Variants in ABCA1 observed in about 807,000 individuals in gnomAD.
The protein encoded by ABCA1 is ATP binding cassette subfamily A member 1, also known as phospholipid-transporting ATPase ABCA1.
Under a neutral mutation model 262.5 loss-of-function variants are expected in ABCA1, and 133 were observed. The observed-to-expected ratio is 0.51, with a 90% CI of 0.44 to 0.59. The LOEUF (loss-of-function observed/expected upper bound fraction) is 0.59. ABCA1 is among the 20% of genes least tolerant of loss of function. The probability of loss-of-function intolerance (pLI) is 0.00; values close to 1 mark genes in which losing one functional copy is unlikely to be tolerated. For synonymous variants in ABCA1, 1,022 were observed against 1,043.5 expected (o/e 0.98, Z 0.40); for missense variants, 2,452 against 2,777.5 (o/e 0.88, Z 2.63).
chr9:104,781,106 A>C lies in ABCA1; in HGVS notation c.*3209T>G, dbSNP rs923779623. On this transcript the variant is annotated 3_prime_UTR_variant, in exon 50 of 50. Transcript: ENST00000374736. ...TTCATATAAAGTTATTGACATACAA[A>C]ATTTTTTTTCTTTTTTCCTTTTAAT... The C allele has an allele frequency of 6.6e-6, 1 of 152,580 alleles. No individual in the cohort carries two copies. The highest frequency in any genetic ancestry group is 1.5e-5 in the Non-Finnish European group (1 of 68,024). The allele number at this position is 152,580 out of a possible 1,614,324, so 9.5% of individuals were successfully genotyped here. A position where few individuals can be genotyped will look rare whatever the true frequency, so the allele number is the denominator to read the frequency against.
intron 5 of ABCA1, among the ~76,000 whole-genome samples, chr9:104,869,687 G>A (rs1470009042): frequency 1.3e-5 from 2 of 152,136 alleles, no homozygotes; most frequent in Non-Finnish European, 2.9e-5. Flanking sequence ...TAGGCCAGGG[G>A]TGTGTGGTAC....
Position 104,816,158 on chromosome 9 carries a change from C to A in ABCA1, c.3723G>T (p.Glu1241Asp). The A allele has an allele frequency of 6.2e-7, 1 of 1,614,176 alleles. No individual in the cohort carries two copies. Among genetic ancestry groups the A allele is most frequent in the Non-Finnish European group, 8.5e-7 (1 of 1,180,030 alleles). ...CTTAACTTACTTCTTCCAGGGTCGT[C>A]TCTGAGATGCCATAACTAGAAATGC... Reference protein sequence around the residue: ...DLGISSYGISETTLEEIFLKV... With the variant: ...DLGISSYGISDTTLEEIFLKV... Residue 1241 changes from glutamate to aspartate, a missense_variant, in exon 25 of 50, where the codon GAG becomes GAT. Physicochemically the swap from Glu to Asp is conservative, Grantham distance 45. Transcript: ENST00000374736.
intron 46 of ABCA1, 25 bp downstream of exon 46, chr9:104,787,895 G>C: frequency 6.2e-7 from 1 of 1,613,936 alleles, no homozygotes; most frequent in Non-Finnish European, 8.5e-7. Flanking sequence ...CAGAACAACA[G>C]TTTTCCATCC....
intron 43 of ABCA1, 29 bp from the exon 44 acceptor site, chr9:104,791,057 C>A: frequency 6.5e-7 from 1 of 1,535,772 alleles, no homozygotes; most frequent in Non-Finnish European, 9.0e-7. Context: ...GTTGTATAAG[C>A]AAACTCTAAA....
intron 1 of ABCA1, among the ~76,000 whole-genome samples, chr9:104,912,476 C>G (rs1841558073): frequency 6.6e-6 from 1 of 152,204 alleles, no homozygotes; most frequent in Non-Finnish European, 1.5e-5. Context: ...ACTTGGACAA[C>G]CAAAGATCCT....
rs1836625778 is a variant in ABCA1, at chr9:104,862,659, C to CA, written c.422-860_422-859insT. On this transcript the variant is annotated intron_variant, in intron 5 of 49. Transcript: ENST00000374736. ...CGGGCCGGGCCGGGCCGGGCCGGGC[C>CA]GGGCCGGGCCGGGCCGGGCCGGGCC... Among the ~76,000 whole-genome samples the CA allele has an allele frequency of 1.6e-3, 16 of 9,842 alleles. 1 individual carries two copies. Among genetic ancestry groups the CA allele is most frequent in the African/African-American group, 4.0e-3 (13 of 3,214 alleles). The allele number at this position is 9,842 out of a possible 152,430, so 6.5% of individuals were successfully genotyped here.
chr9:104,816,293 C>T lies in ABCA1; in HGVS notation c.3588G>A (p.Leu1196=), dbSNP rs1300879859. 2 of 1,614,086 alleles carry T rather than the reference C, an allele frequency of 1.2e-6. No homozygotes were observed. The highest frequency in any genetic ancestry group is 1.7e-6 in the Non-Finnish European group (2 of 1,180,018). The change falls in exon 25 of 50, where the codon CTG becomes CTA. Residue 1196 remains leucine, a synonymous_variant. Coordinates refer to ENST00000374736, the MANE Select transcript of ABCA1 (RefSeq NM_005502.4). ...TCAGCTCATGCCCTATGTCTTCCACCAGCCGGGCTTCAGACACATGCTTCC... is the reference window on the plus strand; with the variant it reads ...TCAGCTCATGCCCTATGTCTTCCACTAGCCGGGCTTCAGACACATGCTTCC... ...LIRKHVSEAR[L]VEDIGHELTY... is the part of the protein sequence containing the mutation.
intron 3 of ABCA1, 106 bp from the exon 4 acceptor site, chr9:104,884,674 TTCCCCACA>T: frequency 7.6e-7 from 1 of 1,321,288 alleles, no homozygotes; most frequent in Non-Finnish European, 1.1e-6. Flanking sequence ...GTCCGTCCCA[TTCCCCACA>T]TCCCAGAGAC....
At chr9:104,889,256 C>T in intron 2 of ABCA1, 61 bp from the exon 3 acceptor site, 1 of 1,567,470 alleles carries the variant, frequency 6.4e-7, no homozygotes, top group Non-Finnish European at 8.7e-7. Context: ...TCCAATGCCA[C>T]TGGGATCTGG....
intron 1 of ABCA1, among the ~76,000 whole-genome samples, chr9:104,904,385 C>A (rs975245068): frequency 6.6e-6 from 1 of 151,910 alleles, no homozygotes; most frequent in Non-Finnish European, 1.5e-5. Flanking sequence ...CTAGCCAATA[C>A]GGTGAAACCC....
At chr9:104,905,752 T>C (rs574015365) in intron 1 of ABCA1, among the ~76,000 whole-genome samples, 3 of 152,218 alleles carry the variant, frequency 2.0e-5, no homozygotes, top group Non-Finnish European at 4.4e-5. Flanking sequence ...AGCTAGATTT[T>C]TCTCATACAG....
chr9:104,911,279 A>G (rs1841480364), intron 1 of ABCA1, among the ~76,000 whole-genome samples: 1 of 152,198 alleles, frequency 6.6e-6, no homozygotes, highest in African/African-American at 2.4e-5. Context: ...AGAGAGATGC[A>G]CAGGGTCCTA....
At chr9:104,903,846 C>T in intron 1 of ABCA1, 75 bp from the exon 2 acceptor site, 1 of 680,846 alleles carries the variant, frequency 1.5e-6, no homozygotes, top group Non-Finnish European at 2.6e-6. Context: ...GACTGCTAAT[C>T]CAGCCCTCTC....
intron 8 of ABCA1, among the ~76,000 whole-genome samples, chr9:104,841,414 C>T (rs776489158): frequency 2.2e-4 from 33 of 150,486 alleles, no homozygotes; most frequent in Non-Finnish European, 2.8e-4. Flanking sequence ...CCAGCCTGGG[C>T]GACAAAAGCA....
chr9:104,878,730 T>C (rs1039912781), intron 5 of ABCA1, among the ~76,000 whole-genome samples: 2 of 152,300 alleles, frequency 1.3e-5, no homozygotes, highest in Middle Eastern at 3.4e-3. Flanking sequence ...AATTTATCTA[T>C]AAATGAACTA....
At chr9:104,821,190 C>A (rs1305160036) in intron 20 of ABCA1, among the ~76,000 whole-genome samples, 185 bp downstream of exon 20, 1 of 152,096 alleles carries the variant, frequency 6.6e-6, no homozygotes, top group Admixed American at 6.5e-5. Flanking sequence ...TTGCAGTGAG[C>A]CGAGATCGCG....
At position 104,840,281 on chromosome 9, in the gene ABCA1, G is replaced by T. The variant is rs565801067; in HGVS notation, c.1052C>A (p.Thr351Lys). The T allele has an allele frequency of 1.9e-6, 3 of 1,614,218 alleles. No homozygotes were observed. The highest frequency in any genetic ancestry group is 2.5e-6 in the Non-Finnish European group (3 of 1,180,042). ...EDAETFYDNS[T>K]TPYCNDLMKN... ...CTGGGGTCTGCATGGACACTCACTT[G>T]TAGAGTTGTCATAGAAGGTTTCAGC... Residue 351 changes from threonine (T) to lysine (K), a missense_variant and splice_region_variant, in exon 9 of 50, where the codon ACA becomes AAA. Physicochemically the swap from Thr to Lys is moderately conservative, Grantham distance 78 (BLOSUM62 -1). Coordinates refer to ENST00000374736, the MANE Select transcript of ABCA1 (RefSeq NM_005502.4).
intron 44 of ABCA1, among the ~76,000 whole-genome samples, chr9:104,789,910 A>C (rs1564079400): frequency 6.6e-6 from 1 of 152,158 alleles, no homozygotes; most frequent in Non-Finnish European, 1.5e-5. Flanking sequence ...TCTGGCCAAC[A>C]TGGTGAAACC....
chr9:104,923,337 T>C (rs748797407), intron 1 of ABCA1, among the ~76,000 whole-genome samples: 2 of 152,256 alleles, frequency 1.3e-5, no homozygotes, highest in Non-Finnish European at 2.9e-5. Context: ...CACACAGCTA[T>C]TCGCAAACAT....
Sources: allele counts gnomAD v4.1 joint callset (sites outside exome capture counted in the v4.1 genomes callset), GRCh38; gene constraint gnomAD v4.1.1; transcripts MANE v1.5; gene names NCBI Gene and HGNC (gene_info 2026-07-23, HGNC 2026-07-21).